The following RPRD2 variants were observed in gnomAD, a reference collection of about 807,000 sequenced individuals.
The protein encoded by RPRD2 is regulation of nuclear pre-mRNA domain-containing protein 2.
RPRD2 carries 12 observed loss-of-function variants against 104.4 expected under a neutral mutation model. The observed-to-expected ratio is 0.11, with a 90% CI of 0.07 to 0.19. The LOEUF (loss-of-function observed/expected upper bound fraction) is 0.19. Ranked by LOEUF, RPRD2 falls within the 10% of genes least tolerant of loss-of-function variation. The pLI is 1.00. For missense variants in RPRD2, 1,543 were observed against 1,790.1 expected (o/e 0.86, Z 2.49); for synonymous variants, 714 against 684.9 (o/e 1.04, Z -0.66).
intron 10 of RPRD2, 115 bp from the exon 11 acceptor site, chr1:150,470,446 A>G: frequency 9.2e-7 from 1 of 1,089,738 alleles, no homozygotes; most frequent in Non-Finnish European, 1.3e-6. Context: ...TTGGCCTTAC[A>G]CTTTGTCTAT....
rs1009341766 is a variant in RPRD2 at position 150,393,869 on chromosome 1, T to G, written c.206-23727T>G. 9.2e-5 allele frequency among the ~76,000 whole-genome samples: 14 copies of G among 151,938 alleles called. No homozygotes were observed. In the South Asian group the frequency reaches 1.2e-3, roughly 14 times the overall value. On this transcript the variant is annotated intron_variant, in intron 1 of 10. Coordinates refer to ENST00000369068, the MANE Select transcript of RPRD2 (RefSeq NM_015203.5). ...AAAGGGACTCTCCTACATTGAGAGA[T>G]AATGAAAATCAAACATAAGAACTTT...
intron 2 of RPRD2, among the ~76,000 whole-genome samples, chr1:150,427,472 CAA>C (rs111542386): frequency 1.6e-4 from 20 of 125,596 alleles, no homozygotes; most frequent in Admixed American, 1.8e-4. Context: ...GACTCTATCT[CAA>C]AAAAAAAAAA....
intron 2 of RPRD2, among the ~76,000 whole-genome samples, chr1:150,433,149 A>T (rs587658569): frequency 4.9e-4 from 75 of 152,140 alleles, no homozygotes; most frequent in African/African-American, 1.0e-3. Context: ...ACCCATAAAA[A>T]TTTTTTTAAA....
intron 1 of RPRD2, among the ~76,000 whole-genome samples, chr1:150,403,835 G>T (rs696617): frequency 0.61 from 92,045 of 151,764 alleles, 28,474 homozygotes; most frequent in African/African-American, 0.67. Context: ...GATTTCGCCC[G>T]GTTGCCCAAA....
intron 1 of RPRD2, among the ~76,000 whole-genome samples, chr1:150,378,410 T>G (rs1553880046): frequency 1.3e-5 from 2 of 152,152 alleles, no homozygotes; most frequent in African/African-American, 4.8e-5. Flanking sequence ...ACTTAAGCAG[T>G]CTTGACTCCA....
chr1:150,454,795 C>T (rs1455981445), intron 7 of RPRD2, among the ~76,000 whole-genome samples: 2 of 152,094 alleles, frequency 1.3e-5, no homozygotes, highest in Non-Finnish European at 1.5e-5. Flanking sequence ...TTGCAGTGAG[C>T]TCTGATCGTG....
chr1:150,411,788 C>CAAAAA lies in RPRD2; in HGVS notation c.206-5784_206-5780dup, dbSNP rs71086508. Among the ~76,000 whole-genome samples, 30 of 70,722 alleles carry CAAAAA rather than the reference C, an allele frequency of 4.2e-4. 1 individual carries two copies. The highest frequency in any genetic ancestry group is 2.5e-3 in the African/African-American group (27 of 10,992). The allele number at this position is 70,722 out of a possible 152,430, so 46.4% of individuals were successfully genotyped here. ...CCTGGACGACAGAGCTAGACTGTCT[C>CAAAAA]AAAAAAAAAAAAAAAAAAAAAAAAA... On this transcript the variant is annotated intron_variant, in intron 1 of 10. Transcript: ENST00000369068.
chr1:150,374,989 C>T (rs1553879190), intron 1 of RPRD2, among the ~76,000 whole-genome samples: 1 of 150,336 alleles, frequency 6.7e-6, no homozygotes, highest in African/African-American at 2.5e-5. Flanking sequence ...CCTCTCCCTC[C>T]CCTTTAGATG....
intron 7 of RPRD2, among the ~76,000 whole-genome samples, chr1:150,456,735 G>A (rs1667555011): frequency 6.6e-6 from 1 of 151,898 alleles, no homozygotes; most frequent in South Asian, 2.1e-4. Flanking sequence ...GACCAGCCTG[G>A]CCAACATGGT....
chr1:150,423,856 G>C (rs782159006), intron 2 of RPRD2, among the ~76,000 whole-genome samples: 1 of 151,210 alleles, frequency 6.6e-6, no homozygotes, highest in African/African-American at 2.4e-5. Context: ...GCAGTAGCGC[G>C]ATCTCAGCTC....
chr1:150,382,612 G>GTCAC (rs782509001), intron 1 of RPRD2, among the ~76,000 whole-genome samples: 20 of 152,168 alleles, frequency 1.3e-4, no homozygotes, highest in Admixed American at 1.1e-3. Context: ...GCCTGCCTCA[G>GTCAC]TCACCCAAAG....
chr1:150,426,386 A>G (rs919578393), intron 2 of RPRD2, among the ~76,000 whole-genome samples: 1 of 152,186 alleles, frequency 6.6e-6, no homozygotes, highest in Non-Finnish European at 1.5e-5. Context: ...TTGGTAGAGT[A>G]GTTTATTTAA....
In RPRD2 at chr1:150,471,613, T is replaced by C; in HGVS notation, c.2665T>C (p.Phe889Leu). 6.2e-7 allele frequency: 1 copy of C among 1,613,832 alleles called. No homozygotes were observed. The highest frequency in any genetic ancestry group is 1.1e-5 in the South Asian group (1 of 91,058). The change falls in exon 11 of 11, where the codon TTC becomes CTC. Residue 889 changes from phenylalanine to leucine, a missense_variant. Physicochemically the swap from Phe to Leu is conservative, Grantham distance 22 (BLOSUM62 0). Transcript: ENST00000369068. This position sits in a 1 kb window ranked among gnomAD's most constrained non-coding sequence, Gnocchi z 5.3. ...RAQEFGVKSA[F>L]PPSVRALLDS... ...CCAAGAATTTGGGGTAAAGTCTGCC[T>C]TCCCTCCATCTGTAAGGGCCCTCCT...
In RPRD2 at chr1:150,472,911, G is replaced by A; in HGVS notation, c.3963G>A (p.Val1321=). Reference sequence around the variant, plus strand: ...CAGAGCACGGAGTGGCAGGGGCTGTGGCAGTATTTCCCAAGGACCATAGTT... The same window carrying A: ...CAGAGCACGGAGTGGCAGGGGCTGTAGCAGTATTTCCCAAGGACCATAGTT... ...PLAEHGVAGA[V]AVFPKDHSSL... is the part of the protein sequence containing the mutation. The change falls in exon 11 of 11, where the codon GTG becomes GTA. Residue 1321 remains valine (V), a synonymous_variant. Coordinates refer to ENST00000369068, the MANE Select transcript of RPRD2 (RefSeq NM_015203.5). 6.2e-7 allele frequency: 1 copy of A among 1,613,306 alleles called. No homozygotes were observed. The highest frequency in any genetic ancestry group is 8.5e-7 in the Non-Finnish European group (1 of 1,179,634).
chr1:150,468,398 G>A (rs1325507115), intron 10 of RPRD2, among the ~76,000 whole-genome samples: 1 of 151,290 alleles, frequency 6.6e-6, no homozygotes, highest in Non-Finnish European at 1.5e-5. Context: ...AGTGGTGAGA[G>A]ACAATTTTAC....
intron 1 of RPRD2, among the ~76,000 whole-genome samples, chr1:150,401,216 G>A (rs1226848318): frequency 1.3e-5 from 2 of 151,570 alleles, no homozygotes; most frequent in African/African-American, 4.8e-5. Context: ...AGCTGGGCAT[G>A]GTGACTCATG....
intron 2 of RPRD2, among the ~76,000 whole-genome samples, chr1:150,422,629 A>T (rs1664848533): frequency 6.6e-6 from 1 of 152,148 alleles, no homozygotes; most frequent in Non-Finnish European, 1.5e-5. Flanking sequence ...TATGCTGCCA[A>T]ACTTTTCTCG....
rs1553876942 is a variant in RPRD2, at chr1:150,364,957, G to GAA, written c.205+40_205+41dup. The GAA allele has an allele frequency of 1.9e-6, 3 of 1,601,950 alleles. No individual in the cohort carries two copies. The African/African-American group carries it at 4.0e-5, about 21-fold the overall frequency. On this transcript the variant is annotated intron_variant, in intron 1 of 10. Transcript: ENST00000369068. ...GGTGACTAGGGAAGGGAAGACTGGG[G>GAA]AAATGGAAGGAAGTGTGGCCTGAAA...
In RPRD2 at chr1:150,381,177, C is replaced by A. The variant is rs377431791; in HGVS notation, c.205+16258C>A. On this transcript the variant is annotated intron_variant, in intron 1 of 10. Transcript: ENST00000369068. Reference sequence around the variant, plus strand: ...CTGGCTTATGCCTGTAATCCCAGCGCTATGGTAGGCCAAGGTGGAAAGATT... The same window carrying A: ...CTGGCTTATGCCTGTAATCCCAGCGATATGGTAGGCCAAGGTGGAAAGATT... 1.7e-4 allele frequency among the ~76,000 whole-genome samples: 26 copies of A among 151,456 alleles called. 1 individual carries two copies. The highest frequency in any genetic ancestry group is 1.1e-3 in the Admixed American group (16 of 15,170).
Sources: allele counts gnomAD v4.1 joint callset (sites outside exome capture counted in the v4.1 genomes callset), GRCh38; gene constraint gnomAD v4.1.1; non-coding constraint Gnocchi (gnomAD v3.1); transcripts MANE v1.5; gene names NCBI Gene and HGNC (gene_info 2026-07-23, HGNC 2026-07-21).